Variants in SPINK1 observed in about 807,000 individuals in gnomAD.
The protein encoded by SPINK1 is serine peptidase inhibitor Kazal type 1.
In SPINK1, 5 loss-of-function variants were observed where a neutral mutation model predicts 9.5. The ratio of observed to expected loss-of-function variants is 0.52; its 90% CI spans 0.27 to 1.10. SPINK1 has a LOEUF of 1.10. Among genes scored for constraint, SPINK1 ranks in the 50% least tolerant of loss-of-function variants. The probability of loss-of-function intolerance (pLI) is 0.11; values close to 1 mark genes in which losing one functional copy is unlikely to be tolerated. For missense variants in SPINK1, 88 were observed against 92.7 expected, an observed-to-expected ratio of 0.95 and a Z score of 0.21; for synonymous variants, 37 against 32.3, an observed-to-expected ratio of 1.14 and a Z score of -0.49.
the SPINK1 span, among the ~76,000 whole-genome samples, chr5:147,837,916 G>A: frequency 6.6e-6 from 1 of 151,906 alleles, no homozygotes. Flanking sequence ...TGGCCAGGCT[G>A]GTCTCGAACT....
intron 3 of SPINK1, among the ~76,000 whole-genome samples, chr5:147,825,368 C>A (rs564058592): frequency 9.2e-4 from 140 of 151,958 alleles, no homozygotes; most frequent in African/African-American, 3.2e-3. Context: ...TACAAAAATT[C>A]TTCTACTTCT....
At chr5:147,833,699 TTTG>T (rs1174114443), upstream of SPINK1, among the ~76,000 whole-genome samples, 1 of 152,210 alleles carries the variant, frequency 6.6e-6, no homozygotes, top group African/African-American at 2.4e-5. Context: ...TTTCTCAATA[TTTG>T]TTGTTATTTC....
chr5:147,831,585 G>T lies in SPINK1; in HGVS notation c.-8C>A. ...GATGCCTGTTACCTTCATGGCTGAA[G>T]TTCTGCGTCCAGAGGTCAGTTGAAA... On this transcript the variant is annotated 5_prime_UTR_variant, in exon 1 of 4. Transcript: ENST00000296695. The T allele has an allele frequency of 6.2e-6, 10 of 1,613,482 alleles. No individual in the cohort carries two copies. The highest frequency in any genetic ancestry group is 8.5e-6 in the Non-Finnish European group (10 of 1,179,776).
chr5:147,833,757 T>A (rs1438106960), upstream of SPINK1, among the ~76,000 whole-genome samples: 2 of 152,202 alleles, frequency 1.3e-5, no homozygotes, highest in African/African-American at 2.4e-5. Context: ...GGGATCTTTA[T>A]GGACTGCAAA....
rs1383923311 is a variant in SPINK1 at position 147,828,278 on chromosome 5, A to C, written c.88-150T>G. On this transcript the variant is annotated intron_variant, in intron 2 of 3. Transcript: ENST00000296695. Reference sequence around the variant, plus strand: ...GTAAGAGAAATAACCTACTATCTGGAGACAGAAAACCTTGTTTTAAGTCAT... The same window carrying C: ...GTAAGAGAAATAACCTACTATCTGGCGACAGAAAACCTTGTTTTAAGTCAT... 4.0e-6 allele frequency: 3 copies of C among 741,306 alleles called. No homozygotes were observed. In the African/African-American group the frequency reaches 5.2e-5, roughly 13 times the overall value. The allele number at this position is 741,306 out of a possible 1,614,324, so 45.9% of individuals were successfully genotyped here. A position where few individuals can be genotyped will look rare whatever the true frequency, so the allele number is the denominator to read the frequency against.
At chr5:147,829,786 C>T (rs1439291502) in intron 1 of SPINK1, among the ~76,000 whole-genome samples, 156 bp from the exon 2 acceptor site, 1 of 152,170 alleles carries the variant, frequency 6.6e-6, no homozygotes, top group East Asian at 1.9e-4. Flanking sequence ...CCAAAAGTAT[C>T]TGACTGATTT....
chr5:147,835,915 G>C (rs1756587014), upstream of SPINK1, among the ~76,000 whole-genome samples: 1 of 151,984 alleles, frequency 6.6e-6, no homozygotes, highest in South Asian at 2.1e-4. Context: ...ATGACCTCTT[G>C]TTTTTATTCC....
At chr5:147,832,964 T>C (rs967304802), upstream of SPINK1, among the ~76,000 whole-genome samples, 1 of 152,144 alleles carries the variant, frequency 6.6e-6, no homozygotes, top group Non-Finnish European at 1.5e-5. Context: ...TAATAAGTGA[T>C]TATAAAATAT....
At chr5:147,833,681 G>A (rs942118405), upstream of SPINK1, among the ~76,000 whole-genome samples, 11 of 152,094 alleles carry the variant, frequency 7.2e-5, no homozygotes, top group Non-Finnish European at 1.2e-4. Flanking sequence ...TGCATTTCCT[G>A]CAAAGAGTTT....
intron 3 of SPINK1, 76 bp downstream of exon 3, chr5:147,827,946 G>T: frequency 8.8e-7 from 1 of 1,135,430 alleles, no homozygotes; most frequent in Non-Finnish European, 1.3e-6. Flanking sequence ...CTCGGGGTGA[G>T]ATTCATATTA....
At chr5:147,827,587 C>A in intron 3 of SPINK1, 1 of 167,088 alleles carries the variant, frequency 6.0e-6, no homozygotes, top group South Asian at 1.5e-4. Flanking sequence ...GAATCTATTT[C>A]TCTGTATCAC....
At chr5:147,831,202 A>G (rs1453292369) in intron 1 of SPINK1, among the ~76,000 whole-genome samples, 3 of 152,208 alleles carry the variant, frequency 2.0e-5, no homozygotes, top group Non-Finnish European at 2.9e-5. Flanking sequence ...GGCCTTACAC[A>G]TTTACAGAAT....
At chr5:147,828,479 C>T (rs1055315905) in intron 2 of SPINK1, among the ~76,000 whole-genome samples, 4 of 152,160 alleles carry the variant, frequency 2.6e-5, no homozygotes, top group Non-Finnish European at 4.4e-5. Flanking sequence ...ACTGCGGGTG[C>T]TGGCATCTCT....
chr5:147,826,385 G>T (rs1240028719), intron 3 of SPINK1, among the ~76,000 whole-genome samples: 1 of 152,192 alleles, frequency 6.6e-6, no homozygotes, highest in Non-Finnish European at 1.5e-5. Context: ...GAGAAATATA[G>T]GAAGAGAGGT....
At chr5:147,838,733 G>A in the SPINK1 span, among the ~76,000 whole-genome samples, 3 of 152,192 alleles carry the variant, frequency 2.0e-5, no homozygotes, top group South Asian at 2.1e-4. Context: ...GTCTCCTGGG[G>A]TCTTGTTCTT....
At chr5:147,824,789 T>C in intron 3 of SPINK1, 83 bp from the exon 4 acceptor site, 2 of 1,244,410 alleles carry the variant, frequency 1.6e-6, no homozygotes, top group Non-Finnish European at 2.3e-6. Flanking sequence ...GGGGGAAAAA[T>C]AACAGCTTCA....
chr5:147,830,528 G>A (rs774681806), intron 1 of SPINK1, among the ~76,000 whole-genome samples: 1 of 152,042 alleles, frequency 6.6e-6, no homozygotes, highest in African/African-American at 2.4e-5. Flanking sequence ...AATTTCCCCC[G>A]GGATAGTCAG....
intron 1 of SPINK1, among the ~76,000 whole-genome samples, chr5:147,830,931 T>C (rs1756497106): frequency 6.6e-6 from 1 of 152,184 alleles, no homozygotes; most frequent in Non-Finnish European, 1.5e-5. Flanking sequence ...AAATGTGTAA[T>C]GTAAATACAC....
chr5:147,837,717 T>TTTCTTTC, the SPINK1 span, among the ~76,000 whole-genome samples: 1 of 59,320 alleles, frequency 1.7e-5, no homozygotes, highest in Admixed American at 2.1e-4. Context: ...TTCTTTCTTT[T>TTTCTTTC]TTGGGATGGA....
Sources: gnomAD v4.1 joint callset for allele counts (sites outside exome capture counted in the v4.1 genomes callset) on GRCh38, gnomAD v4.1.1 for gene constraint, MANE v1.5 for transcripts, NCBI Gene and HGNC (gene_info 2026-07-23, HGNC 2026-07-21) for gene names.